Variants in ADAM32 observed in about 807,000 individuals in gnomAD.
ADAM32 encodes the protein ADAM metallopeptidase domain 32.
In ADAM32, 89 loss-of-function variants were observed where a neutral mutation model predicts 114.9. The observed-to-expected ratio is 0.77, with a 90% CI of 0.65 to 0.92. ADAM32 has a LOEUF of 0.92. Among genes scored for constraint, ADAM32 ranks in the 40% least tolerant of loss-of-function variants. The pLI is 0.00. For missense variants in ADAM32, 870 were observed against 932.8 expected (o/e 0.93, Z 0.88); for synonymous variants, 285 against 307.5 (o/e 0.93, Z 0.77).
intron 18 of ADAM32, among the ~76,000 whole-genome samples, chr8:39,255,918 G>A (rs1419482032): frequency 6.6e-6 from 1 of 151,990 alleles, no homozygotes; most frequent in African/African-American, 2.4e-5. Context: ...TGAGAGATGA[G>A]GATCTGGTTT....
At chr8:39,199,050 C>G (rs367548758) in intron 11 of ADAM32, among the ~76,000 whole-genome samples, 6 of 152,254 alleles carry the variant, frequency 3.9e-5, no homozygotes, top group African/African-American at 1.4e-4. Flanking sequence ...CTCTCCTGGC[C>G]TATAAGGTTT....
intron 19 of ADAM32, 61 bp from the exon 20 acceptor site, chr8:39,270,815 A>T: frequency 7.6e-7 from 1 of 1,321,390 alleles, no homozygotes; most frequent in Non-Finnish European, 1.1e-6. Flanking sequence ...GACTGATTTT[A>T]ATTCATGAAG....
intron 21 of ADAM32, among the ~76,000 whole-genome samples, chr8:39,275,489 G>T (rs1813017040): frequency 6.6e-6 from 1 of 152,120 alleles, no homozygotes; most frequent in Non-Finnish European, 1.5e-5. Context: ...CTACAGCAAT[G>T]TATTTATCAA....
intron 6 of ADAM32, among the ~76,000 whole-genome samples, chr8:39,152,720 C>CAAAA (rs112877602): frequency 1.8e-4 from 24 of 136,894 alleles, no homozygotes; most frequent in African/African-American, 7.4e-4. Context: ...GACTCCATCT[C>CAAAA]AAAAAAAAAA....
At chr8:39,270,423 T>C (rs1240133382) in intron 19 of ADAM32, among the ~76,000 whole-genome samples, 1 of 152,180 alleles carries the variant, frequency 6.6e-6, no homozygotes, top group Admixed American at 6.5e-5. Flanking sequence ...GCTCCTGGTT[T>C]AGTTAAAGAG....
chr8:39,280,931 C>T (rs938566128), intron 22 of ADAM32, among the ~76,000 whole-genome samples: 19 of 151,696 alleles, frequency 1.3e-4, no homozygotes, highest in African/African-American at 3.4e-4. Flanking sequence ...TACAGGCGCC[C>T]GCCACCACAC....
intron 2 of ADAM32, among the ~76,000 whole-genome samples, chr8:39,134,127 G>A (rs1391444316): frequency 6.6e-6 from 1 of 152,136 alleles, no homozygotes; most frequent in Non-Finnish European, 1.5e-5. Context: ...CAGCCCTCTG[G>A]GTGGACATGG....
intron 21 of ADAM32, 27 bp downstream of exon 21, chr8:39,274,377 G>A (rs1331424323): frequency 1.3e-6 from 2 of 1,598,906 alleles, no homozygotes; most frequent in Non-Finnish European, 1.7e-6. Flanking sequence ...AGGTTTTTAA[G>A]ATACATGTTG....
chr8:39,271,160 G>A (rs1007890105), intron 20 of ADAM32, among the ~76,000 whole-genome samples: 3 of 152,130 alleles, frequency 2.0e-5, no homozygotes, highest in African/African-American at 7.2e-5. Context: ...AATGAGATAG[G>A]ACATGTATAA....
intron 10 of ADAM32, among the ~76,000 whole-genome samples, chr8:39,173,836 T>C (rs1001374865): frequency 9.9e-5 from 15 of 152,240 alleles, no homozygotes; most frequent in African/African-American, 3.4e-4. Flanking sequence ...GGTTAATTTT[T>C]TTTTTTGAGA....
At chr8:39,272,587 A>G (rs1812802233) in intron 20 of ADAM32, among the ~76,000 whole-genome samples, 1 of 152,214 alleles carries the variant, frequency 6.6e-6, no homozygotes, top group Non-Finnish European at 1.5e-5. Context: ...TAAAAATAAT[A>G]TAAAAGATAA....
At chr8:39,260,409 C>T (rs1811950847) in intron 19 of ADAM32, among the ~76,000 whole-genome samples, 1 of 151,960 alleles carries the variant, frequency 6.6e-6, no homozygotes, top group Non-Finnish European at 1.5e-5. Context: ...TGATCTTAGG[C>T]CAAAACTTTT....
rs147909974 is a variant in ADAM32 at position 39,240,583 on chromosome 8, T to C, written c.1819-5500T>C. ...CAATTTACAAAAGAAAGAGGTTTAA[T>C]GAACTTAAAATTCCATGTGGTTGGG... On this transcript the variant is annotated intron_variant, in intron 16 of 24. Coordinates refer to ENST00000379907, the MANE Select transcript of ADAM32 (RefSeq NM_145004.7). 5.5e-3 allele frequency among the ~76,000 whole-genome samples: 831 copies of C among 152,340 alleles called. 10 individuals carry two copies. Among genetic ancestry groups the C allele is most frequent in the African/African-American group, 0.019 (792 of 41,580 alleles).
chr8:39,109,797 G>A (rs954649268), intron 1 of ADAM32, among the ~76,000 whole-genome samples: 1 of 152,092 alleles, frequency 6.6e-6, no homozygotes, highest in Admixed American at 6.5e-5. Context: ...CCATTCTATG[G>A]TTTTGACAAA....
chr8:39,163,730 G>A (rs567613831), intron 7 of ADAM32, among the ~76,000 whole-genome samples: 2 of 152,318 alleles, frequency 1.3e-5, no homozygotes, highest in East Asian at 3.9e-4. Context: ...TGTAATAAAT[G>A]TAGGATGTGT....
intron 11 of ADAM32, among the ~76,000 whole-genome samples, chr8:39,200,884 G>C (rs982217777): frequency 3.3e-5 from 5 of 151,986 alleles, no homozygotes; most frequent in African/African-American, 4.8e-5. Context: ...ATAGGGAATC[G>C]TTTCCCCATT....
chr8:39,266,803 T>C (rs1272989363), intron 19 of ADAM32, among the ~76,000 whole-genome samples: 1 of 152,192 alleles, frequency 6.6e-6, no homozygotes, highest in African/African-American at 2.4e-5. Flanking sequence ...TCTTTGAAAT[T>C]GCTGTCTTTT....
chr8:39,277,754 C>T (rs1344172137), intron 22 of ADAM32, among the ~76,000 whole-genome samples: 1 of 152,226 alleles, frequency 6.6e-6, no homozygotes, highest in Non-Finnish European at 1.5e-5. Flanking sequence ...CACTTTTGGG[C>T]GCCGGCAGGG....
chr8:39,230,488 C>T (rs1397921528), intron 14 of ADAM32, among the ~76,000 whole-genome samples: 2 of 152,202 alleles, frequency 1.3e-5, no homozygotes, highest in Non-Finnish European at 2.9e-5. Flanking sequence ...ATATTCTTTA[C>T]ATTATCTTTC....
Sources: allele counts gnomAD v4.1 joint callset (sites outside exome capture counted in the v4.1 genomes callset), GRCh38; gene constraint gnomAD v4.1.1; transcripts MANE v1.5; gene names NCBI Gene and HGNC (gene_info 2026-07-23, HGNC 2026-07-21).